RIMS2: variants seen among roughly 807,000 people sequenced by gnomAD.
The protein encoded by RIMS2 is regulating synaptic membrane exocytosis 2, also known as regulating synaptic membrane exocytosis protein 2.
RIMS2 carries 59 observed loss-of-function variants against 174.4 expected under a neutral mutation model. That is an observed-to-expected ratio of 0.34 (90% CI 0.27 to 0.42). The LOEUF is 0.42. RIMS2 is among the 10% of genes least tolerant of loss of function. The probability of loss-of-function intolerance (pLI) is 1.00; values close to 1 mark genes in which losing one functional copy is unlikely to be tolerated. For missense variants in RIMS2, 1,620 were observed against 1,666.3 expected, an observed-to-expected ratio of 0.97 and a Z score of 0.48; for synonymous variants, 606 against 572.5, an observed-to-expected ratio of 1.06 and a Z score of -0.84.
At chr8:103,644,846 G>A (rs2096295234) in intron 1 of RIMS2, among the ~76,000 whole-genome samples, 1 of 151,704 alleles carries the variant, frequency 6.6e-6, no homozygotes, top group Non-Finnish European at 1.5e-5. Flanking sequence ...TTTTGAAATT[G>A]GAAACTGATT....
intron 19 of RIMS2, among the ~76,000 whole-genome samples, chr8:104,085,299 G>C (rs538087491): frequency 1.3e-5 from 2 of 152,258 alleles, no homozygotes; most frequent in East Asian, 3.9e-4. Flanking sequence ...TGTAGCTGTA[G>C]GCTTGGGTTT....
chr8:104,074,472 A>G (rs1259576367), intron 19 of RIMS2, among the ~76,000 whole-genome samples: 5 of 152,198 alleles, frequency 3.3e-5, no homozygotes, highest in Admixed American at 2.0e-4. Context: ...ACAACAGCAA[A>G]TATAATAATA....
At chr8:103,623,492 T>TG (rs1331550852) in intron 1 of RIMS2, among the ~76,000 whole-genome samples, 3 of 139,218 alleles carry the variant, frequency 2.2e-5, no homozygotes, top group Non-Finnish European at 4.6e-5. Flanking sequence ...TTTTTTTTTT[T>TG]TTTTTTTTTT....
At chr8:103,623,623 T>C (rs1251983206) in intron 1 of RIMS2, among the ~76,000 whole-genome samples, 120 of 148,002 alleles carry the variant, frequency 8.1e-4, no homozygotes, top group South Asian at 1.9e-3. Flanking sequence ...TAGCTGGGAC[T>C]ACAGGCGCCC....
chr8:104,033,377 T>A (rs1169127565), intron 19 of RIMS2, among the ~76,000 whole-genome samples: 2 of 152,050 alleles, frequency 1.3e-5, no homozygotes, highest in Non-Finnish European at 2.9e-5. Context: ...AGGTTATCCT[T>A]GATCATAAGC....
chr8:103,760,675 A>G (rs570436858), intron 2 of RIMS2, among the ~76,000 whole-genome samples: 11 of 152,308 alleles, frequency 7.2e-5, no homozygotes, highest in Admixed American at 2.0e-4. Context: ...AATGTGGGCC[A>G]GAGGGAAAGA....
rs1364720995 is a variant in RIMS2 at position 103,798,554 on chromosome 8, C to T, written c.698+32017C>T. 3.9e-5 allele frequency among the ~76,000 whole-genome samples: 6 copies of T among 152,166 alleles called. No individual in the cohort carries two copies. In the East Asian group the frequency reaches 5.8e-4, roughly 15 times the overall value. ...AATCATTTGTCAGTTTATGGCACTTCGGTGATTTGTGTTTTCTTCCCACTT... is the reference window on the plus strand; with the variant it reads ...AATCATTTGTCAGTTTATGGCACTTTGGTGATTTGTGTTTTCTTCCCACTT... On this transcript the variant is annotated intron_variant, in intron 3 of 23. Transcript: ENST00000504942.
chr8:103,970,844 TACAAAC>T (rs933706768), intron 15 of RIMS2, among the ~76,000 whole-genome samples: 2 of 152,200 alleles, frequency 1.3e-5, no homozygotes, highest in African/African-American at 4.8e-5. Flanking sequence ...ACAAGCTCCT[TACAAAC>T]AGAAACAGAA....
chr8:104,110,384 A>G lies in RIMS2; in HGVS notation c.3334+95769A>G, dbSNP rs940863801. Among the ~76,000 whole-genome samples, 8 of 152,310 alleles carry G rather than the reference A, an allele frequency of 5.3e-5. No homozygotes were observed. The East Asian group carries it at 7.7e-4, about 15-fold the overall frequency. ...GAAAAACATTCTCAAAAGAAAATCT[A>G]TAATTTCTTGCTGCCTCTAACCATT... On this transcript the variant is annotated intron_variant, in intron 19 of 23. Transcript: ENST00000504942.
chr8:104,052,000 A>G (rs974212487), intron 19 of RIMS2, among the ~76,000 whole-genome samples: 24 of 152,312 alleles, frequency 1.6e-4, no homozygotes, highest in Admixed American at 9.2e-4. Flanking sequence ...TTCATTTTCT[A>G]TGCCTTCAGC....
intron 3 of RIMS2, among the ~76,000 whole-genome samples, chr8:103,788,759 C>T (rs932144340): frequency 6.6e-6 from 1 of 152,316 alleles, no homozygotes; most frequent in Middle Eastern, 3.4e-3. Context: ...GTGGAGCCTA[C>T]AGAGGCAGGC....
intron 19 of RIMS2, among the ~76,000 whole-genome samples, chr8:104,064,867 T>A (rs2097076324): frequency 6.6e-6 from 1 of 152,060 alleles, no homozygotes; most frequent in Non-Finnish European, 1.5e-5. Flanking sequence ...GAAAATGTTT[T>A]GATATTTGAT....
At chr8:103,607,131 G>A (rs946519620) in intron 1 of RIMS2, among the ~76,000 whole-genome samples, 4 of 152,048 alleles carry the variant, frequency 2.6e-5, no homozygotes, top group South Asian at 2.1e-4. Flanking sequence ...ATTTTGCAGT[G>A]GCTGGTGCCG....
chr8:103,782,098 G>A (rs562703227), intron 3 of RIMS2, among the ~76,000 whole-genome samples: 23 of 148,854 alleles, frequency 1.5e-4, no homozygotes, highest in Admixed American at 6.0e-4. Flanking sequence ...GCTCAATTTC[G>A]CTCAGTTTCT....
At chr8:103,838,350 G>A (rs1340200358) in intron 3 of RIMS2, among the ~76,000 whole-genome samples, 1 of 152,048 alleles carries the variant, frequency 6.6e-6, no homozygotes, top group African/African-American at 2.4e-5. Flanking sequence ...CCACATGTAA[G>A]CAAAAGTCAT....
intron 1 of RIMS2, among the ~76,000 whole-genome samples, chr8:103,517,282 A>G (rs1386218092): frequency 6.6e-6 from 1 of 152,218 alleles, no homozygotes; most frequent in Non-Finnish European, 1.5e-5. Flanking sequence ...TATGTGGAGA[A>G]GAAGGGCATT....
At chr8:103,882,066 T>C (rs1472009212) in intron 3 of RIMS2, among the ~76,000 whole-genome samples, 1 of 151,530 alleles carries the variant, frequency 6.6e-6, no homozygotes, top group Non-Finnish European at 1.5e-5. Context: ...CCTAGACGAA[T>C]CGTTCCTTTT....
chr8:103,901,869 A>G (rs985941707), intron 4 of RIMS2, among the ~76,000 whole-genome samples: 85 of 152,282 alleles, frequency 5.6e-4, no homozygotes, highest in African/African-American at 2.0e-3. Context: ...ATCTACTGAC[A>G]TTTTGGTTTG....
chr8:103,989,918 T>C (rs563637797), intron 17 of RIMS2, among the ~76,000 whole-genome samples: 1 of 152,312 alleles, frequency 6.6e-6, no homozygotes, highest in East Asian at 1.9e-4. Flanking sequence ...CTCATGGCTT[T>C]CAGTAAACCT....
Sources: allele counts gnomAD v4.1 joint callset (sites outside exome capture counted in the v4.1 genomes callset), GRCh38; gene constraint gnomAD v4.1.1; transcripts MANE v1.5; gene names NCBI Gene and HGNC (gene_info 2026-07-23, HGNC 2026-07-21).